The following CTIF variants were observed in gnomAD, a reference collection of about 807,000 sequenced individuals.
CTIF encodes the protein cap binding complex dependent translation initiation factor, also known as CBP80/20-dependent translation initiation factor.
A neutral mutation model predicts 66.0 loss-of-function variants in CTIF; 21 were observed. The ratio of observed to expected loss-of-function variants is 0.32; its 90% CI spans 0.23 to 0.46. The LOEUF is 0.46. CTIF is among the 20% of genes least tolerant of loss of function. The pLI is 1.00. For synonymous variants in CTIF, 345 were observed against 326.4 expected (o/e 1.06, Z -0.62); for missense variants, 739 against 812.7 (o/e 0.91, Z 1.10).
At chr18:48,682,985 G>C (rs1405441560) in intron 6 of CTIF, 3 of 152,312 alleles carry the variant, frequency 2.0e-5, no homozygotes, top group Non-Finnish European at 4.4e-5. Flanking sequence ...TGGGCTCAGT[G>C]TTCCAGATCT....
chr18:48,600,964 T>C (rs1025140956), intron 1 of CTIF, among the ~76,000 whole-genome samples: 1 of 152,178 alleles, frequency 6.6e-6, no homozygotes, highest in African/African-American at 2.4e-5. Context: ...AGGCGCCTCC[T>C]TGCTCTCTCA....
chr18:48,638,826 C>T (rs765048485), intron 3 of CTIF, among the ~76,000 whole-genome samples: 1 of 152,266 alleles, frequency 6.6e-6, no homozygotes, highest in Non-Finnish European at 1.5e-5. Context: ...GACGTAGCTT[C>T]ATTACAGGGG....
intron 1 of CTIF, among the ~76,000 whole-genome samples, chr18:48,610,516 C>T (rs933721732): frequency 3.3e-5 from 5 of 152,316 alleles, no homozygotes; most frequent in Middle Eastern, 3.4e-3. Context: ...AAGTGCTCAT[C>T]AGGAGCCAGG....
chr18:48,824,013 C>CACAG (rs139376550), intron 10 of CTIF, among the ~76,000 whole-genome samples: 18,928 of 146,634 alleles, frequency 0.13, 1,514 homozygotes, highest in Non-Finnish European at 0.18. Context: ...CACACACACA[C>CACAG]AAACTGCTAG....
chr18:48,692,710 T>G (rs1019429541), intron 6 of CTIF: 6 of 152,122 alleles, frequency 3.9e-5, no homozygotes, highest in African/African-American at 1.4e-4. Flanking sequence ...ACACTTTGAG[T>G]AGCGGAACCC....
intron 1 of CTIF, among the ~76,000 whole-genome samples, chr18:48,617,652 A>G (rs1034984170): frequency 2.6e-5 from 4 of 152,186 alleles, no homozygotes; most frequent in Non-Finnish European, 4.4e-5. Flanking sequence ...GGAAGAGGCA[A>G]TGGACAGTAC....
chr18:48,577,772 A>G (rs377354795), intron 1 of CTIF, among the ~76,000 whole-genome samples: 91 of 152,254 alleles, frequency 6.0e-4, no homozygotes, highest in Middle Eastern at 3.4e-3. Context: ...AAGGCATTTC[A>G]CCATGTTGCC....
chr18:48,751,308 G>T (rs1907786206), intron 7 of CTIF, among the ~76,000 whole-genome samples: 1 of 152,198 alleles, frequency 6.6e-6, no homozygotes, highest in Non-Finnish European at 1.5e-5. Context: ...TCATTATGTG[G>T]CCAGTCCTGC....
intron 10 of CTIF, among the ~76,000 whole-genome samples, chr18:48,836,804 GT>G (rs1241428926): frequency 6.6e-6 from 1 of 152,174 alleles, no homozygotes; most frequent in Admixed American, 6.5e-5. Flanking sequence ...TGTGCCTCTG[GT>G]TTCCTCCTGG....
intron 1 of CTIF, among the ~76,000 whole-genome samples, chr18:48,587,834 T>C (rs1295060878): frequency 6.6e-6 from 1 of 152,240 alleles, no homozygotes; most frequent in African/African-American, 2.4e-5. Flanking sequence ...TTGACGTTTT[T>C]GCATTCCATC....
At chr18:48,649,413 T>C (rs2091113480) in intron 3 of CTIF, among the ~76,000 whole-genome samples, 3 of 152,252 alleles carry the variant, frequency 2.0e-5, no homozygotes, top group South Asian at 4.1e-4. Flanking sequence ...GCGTCTGCCA[T>C]TGCTGACGCT....
intron 1 of CTIF, among the ~76,000 whole-genome samples, chr18:48,556,432 C>G (rs188267813): frequency 6.6e-6 from 1 of 152,320 alleles, no homozygotes; most frequent in Admixed American, 6.5e-5. Flanking sequence ...ATGGTCTGCT[C>G]AGGCACCCCG....
At chr18:48,624,370 C>T (rs2090555445) in intron 2 of CTIF, among the ~76,000 whole-genome samples, 1 of 152,174 alleles carries the variant, frequency 6.6e-6, no homozygotes, top group Admixed American at 6.5e-5. Flanking sequence ...AGCCCCATCC[C>T]CACCCCACCT....
chr18:48,548,564 T>C (rs2088809689), intron 1 of CTIF, among the ~76,000 whole-genome samples: 1 of 152,210 alleles, frequency 6.6e-6, no homozygotes, highest in Non-Finnish European at 1.5e-5. Flanking sequence ...ATAAAGAGCA[T>C]GCGTTGCCTT....
intron 10 of CTIF, among the ~76,000 whole-genome samples, chr18:48,818,205 G>A (rs1435120787): frequency 6.6e-6 from 1 of 152,258 alleles, no homozygotes; most frequent in African/African-American, 2.4e-5. Flanking sequence ...AGGGGGCAAA[G>A]TGGAAGCTGG....
At position 48,626,841 on chromosome 18, in the gene CTIF, A is replaced by G. The variant is rs185915286; in HGVS notation, c.180+7096A>G. Among the ~76,000 whole-genome samples the G allele has an allele frequency of 3.7e-3, 565 of 151,260 alleles. 4 individuals carry two copies. The highest frequency in any genetic ancestry group is 2.8e-3 in the Non-Finnish European group (188 of 67,834). On this transcript the variant is annotated intron_variant, in intron 2 of 11. Coordinates refer to ENST00000256413, the MANE Select transcript of CTIF (RefSeq NM_014772.3). The stretch of plus-strand genomic sequence containing the variant: ...TGGCTAATTTTTTGTATTTTTAGTA[A>G]AGACAGGGTTTCACCATTTTGGCCA...
intron 1 of CTIF, among the ~76,000 whole-genome samples, chr18:48,555,680 G>T (rs115766720): frequency 0.017 from 2,581 of 152,322 alleles, 72 homozygotes; most frequent in African/African-American, 0.059. Flanking sequence ...GATAAGGTTT[G>T]GTGCTCACCT....
At chr18:48,552,834 G>C (rs1344261650) in intron 1 of CTIF, among the ~76,000 whole-genome samples, 1 of 152,204 alleles carries the variant, frequency 6.6e-6, no homozygotes, top group African/African-American at 2.4e-5. Flanking sequence ...GTAGTCCCCT[G>C]ATGTTCTGAA....
chr18:48,577,176 G>A (rs1433126461), intron 1 of CTIF, among the ~76,000 whole-genome samples: 1 of 152,218 alleles, frequency 6.6e-6, no homozygotes, highest in East Asian at 1.9e-4. Flanking sequence ...GGGAGTTTGG[G>A]TAGATTGGAA....
Sources: gnomAD v4.1 joint callset for allele counts (sites outside exome capture counted in the v4.1 genomes callset) on GRCh38, gnomAD v4.1.1 for gene constraint, MANE v1.5 for transcripts, NCBI Gene and HGNC (gene_info 2026-07-23, HGNC 2026-07-21) for gene names.